Variants in TTC28 observed in about 807,000 individuals in gnomAD.
TTC28 encodes tetratricopeptide repeat protein 28.
A neutral mutation model predicts 198.0 loss-of-function variants in TTC28; 61 were observed. That is an observed-to-expected ratio of 0.31 (90% confidence interval 0.25 to 0.38). The LOEUF (loss-of-function observed/expected upper bound fraction) is 0.38, where lower values mean the gene tolerates loss of function less well. Among genes scored for constraint, TTC28 ranks in the 10% least tolerant of loss-of-function variants. The pLI is 1.00. For synonymous variants in TTC28, 1,171 were observed against 1,297.8 expected (o/e 0.90, Z 2.10); for missense variants, 2,678 against 3,164.0 (o/e 0.85, Z 3.69).
intron 2 of TTC28, among the ~76,000 whole-genome samples, chr22:28,502,107 A>G (rs2146369106): frequency 6.6e-6 from 1 of 152,300 alleles, no homozygotes; most frequent in Admixed American, 6.5e-5. Context: ...TAGAATTACT[A>G]TTTTTGGTGA....
chr22:28,603,762 A>T (rs2050680542), intron 2 of TTC28, among the ~76,000 whole-genome samples: 1 of 152,118 alleles, frequency 6.6e-6, no homozygotes, highest in South Asian at 2.1e-4. Flanking sequence ...AAAACTGAAA[A>T]CAGTATAATA....
intron 5 of TTC28, among the ~76,000 whole-genome samples, chr22:28,193,739 A>G (rs549277700): frequency 2.0e-5 from 3 of 152,350 alleles, no homozygotes; most frequent in East Asian, 3.9e-4. Context: ...AGAGCTAACT[A>G]TCCTAAATAT....
chr22:28,435,459 C>A (rs931586120), intron 2 of TTC28, among the ~76,000 whole-genome samples: 1 of 152,120 alleles, frequency 6.6e-6, no homozygotes, highest in African/African-American at 2.4e-5. Flanking sequence ...TTTAGCACAT[C>A]AATAAAAGCA....
chr22:27,998,201 T>C (rs912162117), intron 16 of TTC28: 1 of 358,826 alleles, frequency 2.8e-6, no homozygotes, highest in African/African-American at 2.1e-5. Context: ...AGTAGATCCA[T>C]CCTAAGTCTT....
chr22:28,400,751 T>C (rs1278129130), intron 2 of TTC28, among the ~76,000 whole-genome samples: 1 of 152,240 alleles, frequency 6.6e-6, no homozygotes, highest in Non-Finnish European at 1.5e-5. Flanking sequence ...TATGTAAATA[T>C]TGGCTAAAAT....
chr22:28,615,521 T>C (rs1241978540), intron 2 of TTC28, among the ~76,000 whole-genome samples: 1 of 152,178 alleles, frequency 6.6e-6, no homozygotes, highest in Non-Finnish European at 1.5e-5. Context: ...GCAGCACTAT[T>C]CACAATAGCA....
chr22:28,082,511 G>GT (rs1941405238), intron 12 of TTC28, among the ~76,000 whole-genome samples: 1 of 152,154 alleles, frequency 6.6e-6, no homozygotes, highest in South Asian at 2.1e-4. Flanking sequence ...ATGATCATGT[G>GT]TTTTTTGTCC....
chr22:28,642,342 TA>T (rs1462212213), intron 1 of TTC28, among the ~76,000 whole-genome samples: 2 of 151,430 alleles, frequency 1.3e-5, no homozygotes, highest in Non-Finnish European at 2.9e-5. Context: ...TTGGCCAGAA[TA>T]CAGTAAGATT....
chr22:28,008,590 C>T (rs1185296903), intron 14 of TTC28: 1 of 152,192 alleles, frequency 6.6e-6, no homozygotes, highest in Non-Finnish European at 1.5e-5. Flanking sequence ...GTAAGGATAA[C>T]AGAGACTCTA....
Position 27,992,605 on chromosome 22 carries a change from G to A in TTC28, c.5535C>T (p.Gly1845=), listed in dbSNP as rs1357205352. The A allele has an allele frequency of 1.9e-6, 3 of 1,551,432 alleles. No homozygotes were observed. The highest frequency in any genetic ancestry group is 2.7e-5 in the African/African-American group (2 of 73,022). Residue 1845 remains glycine, a synonymous_variant, in exon 19 of 23, where the codon GGC becomes GGT. Transcript: ENST00000397906. ...GACTTACCCGGCTGATGAGCTGCTC[G>A]CCCGTCTCGGAGGCAGTGATGAGTT... ...LCKLITASET[G]EQLISRAVKN...
intron 1 of TTC28, among the ~76,000 whole-genome samples, chr22:28,640,548 T>C (rs916238366): frequency 6.9e-6 from 1 of 145,232 alleles, no homozygotes; most frequent in Non-Finnish European, 1.5e-5. Context: ...CACCTACGTC[T>C]GTCATAGTCA....
At chr22:28,032,269 TGTG>T (rs1939163095) in intron 12 of TTC28, among the ~76,000 whole-genome samples, 1 of 76,774 alleles carries the variant, frequency 1.3e-5, no homozygotes, top group South Asian at 4.3e-4. Context: ...ATATATATAG[TGTG>T]TGTGTGTGTG....
chr22:28,062,217 C>T (rs1182841468), intron 12 of TTC28, among the ~76,000 whole-genome samples: 2 of 151,972 alleles, frequency 1.3e-5, no homozygotes, highest in East Asian at 3.9e-4. Flanking sequence ...GCCACCATGC[C>T]TGGCTAATTT....
intron 2 of TTC28, among the ~76,000 whole-genome samples, chr22:28,486,610 C>T (rs980812055): frequency 6.6e-6 from 1 of 152,140 alleles, no homozygotes; most frequent in African/African-American, 2.4e-5. Context: ...GGTATAAATA[C>T]AGAGCAAAGT....
intron 12 of TTC28, among the ~76,000 whole-genome samples, chr22:28,047,345 T>A (rs1280458509): frequency 6.6e-6 from 1 of 152,170 alleles, no homozygotes; most frequent in Non-Finnish European, 1.5e-5. Flanking sequence ...TAGAGTTCAC[T>A]GGGGTCAGGG....
chr22:28,558,778 C>T (rs191940811), intron 2 of TTC28, among the ~76,000 whole-genome samples: 1 of 152,160 alleles, frequency 6.6e-6, no homozygotes, highest in Non-Finnish European at 1.5e-5. Context: ...TGCCTGTAAT[C>T]CCAGCACTTT....
intron 2 of TTC28, among the ~76,000 whole-genome samples, chr22:28,597,453 C>T (rs2050560102): frequency 6.6e-6 from 1 of 152,142 alleles, no homozygotes; most frequent in Non-Finnish European, 1.5e-5. Flanking sequence ...AGAAACTATG[C>T]ACGTAAGCAT....
intron 2 of TTC28, among the ~76,000 whole-genome samples, chr22:28,374,499 T>C (rs1601707911): frequency 6.6e-6 from 1 of 152,054 alleles, no homozygotes; most frequent in Non-Finnish European, 1.5e-5. Context: ...TGGGAAGCAA[T>C]ATGGGTAGTG....
intron 5 of TTC28, among the ~76,000 whole-genome samples, chr22:28,168,202 C>T (rs1278053112): frequency 6.6e-6 from 1 of 152,196 alleles, no homozygotes; most frequent in Non-Finnish European, 1.5e-5. Flanking sequence ...ACATTCCATG[C>T]TCATGGATAG....
Sources: allele counts gnomAD v4.1 joint callset (sites outside exome capture counted in the v4.1 genomes callset), GRCh38; gene constraint gnomAD v4.1.1; transcripts MANE v1.5; gene names NCBI Gene and HGNC (gene_info 2026-07-23, HGNC 2026-07-21).